Variants in TMEM230 observed in about 807,000 individuals in gnomAD.
The protein encoded by TMEM230 is transmembrane protein 230.
Under a neutral mutation model 15.8 loss-of-function variants are expected in TMEM230, and 10 were observed. The observed-to-expected ratio is 0.63, with a 90% CI of 0.39 to 1.07. The LOEUF (loss-of-function observed/expected upper bound fraction) is 1.07, where lower values mean the gene tolerates loss of function less well. Among genes scored for constraint, TMEM230 ranks in the 50% least tolerant of loss-of-function variants. The pLI, the probability that TMEM230 is intolerant of heterozygous loss-of-function variation, is 0.01. For missense variants in TMEM230, 165 were observed against 193.3 expected (o/e 0.85, Z 0.87); for synonymous variants, 67 against 76.9 (o/e 0.87, Z 0.68).
chr20:5,097,502 G>A (rs1303538685), downstream of TMEM230, among the ~76,000 whole-genome samples: 2 of 152,150 alleles, frequency 1.3e-5, no homozygotes, highest in Non-Finnish European at 2.9e-5. Flanking sequence ...ATATACATCT[G>A]ACAACTGACC....
intron 4 of TMEM230, among the ~76,000 whole-genome samples, chr20:5,101,165 T>C (rs1038488450): frequency 9.9e-5 from 15 of 152,184 alleles, no homozygotes; most frequent in African/African-American, 3.6e-4. Context: ...TTTTGGCTTC[T>C]TTTCCTTTTT....
At chr20:5,081,164 A>T (rs1039306587) in intron 3 of TMEM230, among the ~76,000 whole-genome samples, 8 of 152,250 alleles carry the variant, frequency 5.3e-5, no homozygotes, top group African/African-American at 1.9e-4. Flanking sequence ...CTCTAGATGC[A>T]GAGAAAGAGG....
chr20:5,070,885 G>A (rs973470717), intron 3 of TMEM230, among the ~76,000 whole-genome samples: 2 of 152,068 alleles, frequency 1.3e-5, no homozygotes, highest in African/African-American at 2.4e-5. Context: ...TCTCACCTCA[G>A]CCTCCCAAAT....
chr20:5,106,708 A>G (rs2090110786), intron 3 of TMEM230, among the ~76,000 whole-genome samples: 1 of 150,918 alleles, frequency 6.6e-6, no homozygotes. Flanking sequence ...CGCCCGGCCT[A>G]ATTTTTATGA....
At chr20:5,106,943 G>A (rs2090117793) in intron 3 of TMEM230, among the ~76,000 whole-genome samples, 2 of 152,196 alleles carry the variant, frequency 1.3e-5, no homozygotes, top group South Asian at 4.1e-4. Context: ...CTGGGCTCAA[G>A]GGAGTCCTTC....
intron 4 of TMEM230, among the ~76,000 whole-genome samples, chr20:5,104,178 A>C (rs2089981420): frequency 1.3e-5 from 2 of 152,228 alleles, no homozygotes. Context: ...TGATCAAAGA[A>C]ATGCAAATCA....
chr20:5,087,606 TCCTGTC>T (rs373366790), intron 3 of TMEM230, among the ~76,000 whole-genome samples: 125 of 148,946 alleles, frequency 8.4e-4, no homozygotes, highest in African/African-American at 2.9e-3. Context: ...GAGCCTGGCT[TCCTGTC>T]CCCTACCCTA....
downstream of TMEM230, among the ~76,000 whole-genome samples, chr20:5,095,543 T>C (rs2089641600): frequency 6.6e-6 from 1 of 152,194 alleles, no homozygotes; most frequent in African/African-American, 2.4e-5. Context: ...CTGTCTTAGC[T>C]AGAGAATAAT....
chr20:5,070,103 C>T (rs901522859), intron 3 of TMEM230, among the ~76,000 whole-genome samples: 5 of 152,088 alleles, frequency 3.3e-5, no homozygotes, highest in African/African-American at 9.7e-5. Context: ...AGAAGCCTTA[C>T]GGGTCTCATC....
At chr20:5,082,167 G>C (rs551166722) in intron 3 of TMEM230, among the ~76,000 whole-genome samples, 1 of 151,526 alleles carries the variant, frequency 6.6e-6, no homozygotes, top group African/African-American at 2.4e-5. Flanking sequence ...GAGCCACCAC[G>C]CCCAGCCATT....
intron 3 of TMEM230, among the ~76,000 whole-genome samples, chr20:5,073,025 T>C (rs1345747170): frequency 6.6e-6 from 1 of 151,802 alleles, no homozygotes. Flanking sequence ...GGGGAAACAG[T>C]AAGGGAATGA....
At chr20:5,112,302 T>C (rs2090358789) in intron 1 of TMEM230, among the ~76,000 whole-genome samples, 1 of 152,358 alleles carries the variant, frequency 6.6e-6, no homozygotes, top group African/African-American at 2.4e-5. Context: ...TCAAAAAAGA[T>C]TGGATCAAAC....
downstream of TMEM230, among the ~76,000 whole-genome samples, chr20:5,067,761 G>GC (rs1488553303): frequency 4.8e-4 from 32 of 66,286 alleles, no homozygotes; most frequent in African/African-American, 1.7e-3. Context: ...GCCCCCCTCT[G>GC]CTTTTTTTTT....
chr20:5,061,217 G>A, the TMEM230 span: 17 of 152,144 alleles, frequency 1.1e-4, no homozygotes, highest in African/African-American at 3.9e-4. Context: ...TAGACTTGTA[G>A]GGCAAAGATG....
chr20:5,090,728 G>A (rs1008935150), intron 3 of TMEM230, among the ~76,000 whole-genome samples: 1 of 113,450 alleles, frequency 8.8e-6, no homozygotes, highest in Non-Finnish European at 2.0e-5. Context: ...TATTAATATT[G>A]ATCCAACCAA....
At chr20:5,090,530 A>G (rs2089478283) in intron 3 of TMEM230, among the ~76,000 whole-genome samples, 1 of 152,120 alleles carries the variant, frequency 6.6e-6, no homozygotes, top group African/African-American at 2.4e-5. Context: ...AACGGATGGG[A>G]GACTAGGGGA....
rs2089819263 is a variant in TMEM230 at position 5,100,734 on chromosome 20, G to T, written c.*57C>A. On this transcript the variant is annotated 3_prime_UTR_variant, in exon 5 of 5. Transcript: ENST00000342308. Reference sequence around the variant, plus strand: ...TAGTCCTCAGCTATAGTTTCTGCTAGATATCTTAAAGCTGGGACAGTTCCA... The same window carrying T: ...TAGTCCTCAGCTATAGTTTCTGCTATATATCTTAAAGCTGGGACAGTTCCA... The T allele has an allele frequency of 1.3e-6, 2 of 1,594,796 alleles. No individual in the cohort carries two copies. Among genetic ancestry groups the T allele is most frequent in the Admixed American group, 3.5e-5 (2 of 57,666 alleles).
the TMEM230 span, among the ~76,000 whole-genome samples, chr20:5,061,799 G>C: frequency 2.0e-5 from 3 of 152,240 alleles, no homozygotes; most frequent in Non-Finnish European, 4.4e-5. Context: ...CTTCACAGGA[G>C]TATACTTGAA....
intron 3 of TMEM230, among the ~76,000 whole-genome samples, chr20:5,081,881 T>C (rs943652329): frequency 1.9e-5 from 2 of 105,062 alleles, no homozygotes; most frequent in Non-Finnish European, 4.2e-5. Flanking sequence ...TTCTTTTTTT[T>C]TTTTTTTTTT....
Sources: gnomAD v4.1 joint callset for allele counts (sites outside exome capture counted in the v4.1 genomes callset) on GRCh38, gnomAD v4.1.1 for gene constraint, MANE v1.5 for transcripts, NCBI Gene and HGNC (gene_info 2026-07-23, HGNC 2026-07-21) for gene names.